The following LRRTM4 variants were observed in gnomAD, a reference collection of about 807,000 sequenced individuals.
The protein encoded by LRRTM4 is leucine-rich repeat transmembrane neuronal protein 4.
LRRTM4 carries 25 observed loss-of-function variants against 47.6 expected under a neutral mutation model. That is an observed-to-expected ratio of 0.53 (90% CI 0.38 to 0.73). LRRTM4 has a LOEUF of 0.73. LRRTM4 is among the 30% of genes least tolerant of loss of function. LRRTM4 has a pLI of 0.00. For missense variants in LRRTM4, 638 were observed against 713.4 expected (o/e 0.89, Z 1.20); for synonymous variants, 311 against 269.5 (o/e 1.15, Z -1.51).
intron 3 of LRRTM4, among the ~76,000 whole-genome samples, chr2:76,799,697 A>T (rs1675551082): frequency 1.5e-5 from 2 of 132,794 alleles, no homozygotes; most frequent in Admixed American, 1.5e-4. Context: ...GTATATCTAG[A>T]AAACCCCATT....
chr2:77,058,957 T>C (rs1213283941), intron 3 of LRRTM4, among the ~76,000 whole-genome samples: 1 of 151,848 alleles, frequency 6.6e-6, no homozygotes, highest in Non-Finnish European at 1.5e-5. Context: ...TAGAGTTTTT[T>C]ATTGAGTGAG....
intron 3 of LRRTM4, among the ~76,000 whole-genome samples, chr2:77,428,942 G>A (rs1675237793): frequency 6.6e-6 from 1 of 152,144 alleles, no homozygotes. Context: ...ATAAGGAGTA[G>A]ACACAATTAG....
In LRRTM4 at chr2:76,857,854, A is replaced by T. The variant is rs76769704; in HGVS notation, c.1552-108938T>A. ...ACTTTAAGCATTACAAACTAGCAAA[A>T]TGTCCCAACAATGAAGAAATACTTA... On this transcript the variant is annotated intron_variant, in intron 3 of 3. Transcript: ENST00000409884. Among the ~76,000 whole-genome samples, 598 of 152,276 alleles carry T rather than the reference A, an allele frequency of 3.9e-3. 3 individuals carry two copies. The highest frequency in any genetic ancestry group is 0.014 in the African/African-American group (584 of 41,556).
intron 3 of LRRTM4, among the ~76,000 whole-genome samples, chr2:77,257,967 A>G (rs1675815772): frequency 6.6e-6 from 1 of 151,830 alleles, no homozygotes; most frequent in South Asian, 2.1e-4. Flanking sequence ...GTGGTGGTGC[A>G]TGCCTGTAAT....
intron 3 of LRRTM4, among the ~76,000 whole-genome samples, chr2:76,929,197 C>T (rs981342966): frequency 3.9e-5 from 6 of 152,108 alleles, no homozygotes; most frequent in East Asian, 1.9e-4. Context: ...GAGTTTAGGA[C>T]CAGACATATC....
intron 3 of LRRTM4, among the ~76,000 whole-genome samples, chr2:77,341,553 C>T (rs548196140): frequency 1.6e-4 from 24 of 152,122 alleles, no homozygotes; most frequent in African/African-American, 5.1e-4. Context: ...TAACTTTTCC[C>T]TTGCTGCTGG....
chr2:77,014,452 T>C (rs1302110687), intron 3 of LRRTM4, among the ~76,000 whole-genome samples: 1 of 151,028 alleles, frequency 6.6e-6, no homozygotes, highest in Non-Finnish European at 1.5e-5. Flanking sequence ...ATGGTTTATA[T>C]GATTGACTAT....
At chr2:77,465,504 T>C (rs1182516979) in intron 3 of LRRTM4, among the ~76,000 whole-genome samples, 1 of 152,146 alleles carries the variant, frequency 6.6e-6, no homozygotes, top group Non-Finnish European at 1.5e-5. Context: ...CAAGGACATT[T>C]GTATTTAAAA....
rs192076534 is a variant in LRRTM4, at chr2:77,152,237, G to C, written c.1551+366081C>G. On this transcript the variant is annotated intron_variant, in intron 3 of 3. Transcript: ENST00000409884. ...TGCCATTTGACCCCAAGAGAGGGCA[G>C]AGAGAATGACATTAAGAGTACTTGT... is the stretch of plus-strand genomic sequence containing the variant. Among the ~76,000 whole-genome samples the C allele has an allele frequency of 5.9e-5, 9 of 152,320 alleles. No homozygotes were observed. In the East Asian group the frequency reaches 1.3e-3, roughly 23 times the overall value.
At chr2:76,857,455 A>T (rs901272058) in intron 3 of LRRTM4, among the ~76,000 whole-genome samples, 1 of 151,850 alleles carries the variant, frequency 6.6e-6, no homozygotes, top group Non-Finnish European at 1.5e-5. Flanking sequence ...TTTGGTCAAG[A>T]ATAGGCTCTT....
At chr2:76,918,836 C>T (rs773245133) in intron 3 of LRRTM4, among the ~76,000 whole-genome samples, 1 of 152,056 alleles carries the variant, frequency 6.6e-6, no homozygotes, top group Non-Finnish European at 1.5e-5. Flanking sequence ...CTGTTAAGAG[C>T]ATGAATAAGA....
chr2:76,912,077 T>C (rs1485378440), intron 3 of LRRTM4, among the ~76,000 whole-genome samples: 1 of 151,858 alleles, frequency 6.6e-6, no homozygotes, highest in African/African-American at 2.4e-5. Flanking sequence ...CCCGCCACCA[T>C]GCCCGGCTAA....
chr2:77,151,837 A>T (rs981499373), intron 3 of LRRTM4, among the ~76,000 whole-genome samples: 6 of 152,106 alleles, frequency 3.9e-5, no homozygotes, highest in Admixed American at 2.0e-4. Flanking sequence ...ACATTTTTTT[A>T]AAAAAATATT....
chr2:77,355,993 T>C (rs933929468), intron 3 of LRRTM4, among the ~76,000 whole-genome samples: 1 of 152,120 alleles, frequency 6.6e-6, no homozygotes, highest in Non-Finnish European at 1.5e-5. Context: ...CTTGGGAGAC[T>C]GAGACAGGAG....
chr2:76,849,651 TCTTC>T (rs1471226262), intron 3 of LRRTM4, among the ~76,000 whole-genome samples: 1 of 152,080 alleles, frequency 6.6e-6, no homozygotes, highest in Non-Finnish European at 1.5e-5. Context: ...TCTATCAAAT[TCTTC>T]CTTAACAAAT....
At chr2:76,837,643 T>G (rs1030529729) in intron 3 of LRRTM4, among the ~76,000 whole-genome samples, 9 of 152,146 alleles carry the variant, frequency 5.9e-5, no homozygotes, top group Non-Finnish European at 1.2e-4. Flanking sequence ...ACACGCATGT[T>G]TATTGCAGCA....
intron 3 of LRRTM4, among the ~76,000 whole-genome samples, chr2:76,862,599 G>A (rs961089941): frequency 5.9e-5 from 9 of 152,090 alleles, no homozygotes; most frequent in African/African-American, 1.4e-4. Context: ...AGAAGGTTGC[G>A]CTTTGAGGAG....
At chr2:76,971,943 G>A (rs1174550578) in intron 3 of LRRTM4, among the ~76,000 whole-genome samples, 3 of 152,154 alleles carry the variant, frequency 2.0e-5, no homozygotes, top group South Asian at 4.1e-4. Context: ...TGGTGACAGT[G>A]CTGTATTTCA....
intron 3 of LRRTM4, among the ~76,000 whole-genome samples, chr2:77,028,033 T>C (rs1209421504): frequency 1.3e-5 from 2 of 151,990 alleles, no homozygotes; most frequent in African/African-American, 4.8e-5. Context: ...AAACTCATGA[T>C]TTTTCACTCT....
Sources: allele counts gnomAD v4.1 joint callset (sites outside exome capture counted in the v4.1 genomes callset), GRCh38; gene constraint gnomAD v4.1.1; transcripts MANE v1.5; gene names NCBI Gene and HGNC (gene_info 2026-07-23, HGNC 2026-07-21).